HEATR4: variants seen among roughly 807,000 people sequenced by gnomAD.
The protein encoded by HEATR4 is HEAT repeat-containing protein 4.
HEATR4 carries 95 observed loss-of-function variants against 108.8 expected under a neutral mutation model. The ratio of observed to expected loss-of-function variants is 0.87; its 90% CI spans 0.74 to 1.04. The LOEUF (loss-of-function observed/expected upper bound fraction) is 1.04. HEATR4 is among the 50% of genes least tolerant of loss of function. HEATR4 has a pLI of 0.00. For missense variants in HEATR4, 1,152 were observed against 1,253.8 expected (o/e 0.92, Z 1.23); for synonymous variants, 443 against 459.4 (o/e 0.96, Z 0.46).
the HEATR4 span, among the ~76,000 whole-genome samples, chr14:73,573,967 T>C: frequency 6.2e-4 from 95 of 152,094 alleles, no homozygotes; most frequent in African/African-American, 2.1e-3. Flanking sequence ...CCTCAAATGA[T>C]CCACCTGCTT....
the HEATR4 span, among the ~76,000 whole-genome samples, chr14:73,603,757 C>T: frequency 3.3e-4 from 48 of 147,540 alleles, no homozygotes; most frequent in Non-Finnish European, 1.5e-4. Context: ...TTTTTTTAGA[C>T]GGAGTCTTGC....
intron 6 of HEATR4, among the ~76,000 whole-genome samples, 154 bp downstream of exon 6, chr14:73,513,877 A>C (rs989326975): frequency 1.3e-5 from 2 of 152,084 alleles, no homozygotes; most frequent in African/African-American, 4.8e-5. Flanking sequence ...CTAACACCCA[A>C]TGTGTGAAAG....
chr14:73,620,651 T>C, the HEATR4 span, among the ~76,000 whole-genome samples: 1 of 151,954 alleles, frequency 6.6e-6, no homozygotes, highest in African/African-American at 2.4e-5. Context: ...CACTGCAACC[T>C]CCGCCTCCCA....
the HEATR4 span, among the ~76,000 whole-genome samples, chr14:73,584,123 G>A: frequency 9.2e-5 from 14 of 151,634 alleles, no homozygotes; most frequent in Non-Finnish European, 1.5e-5. Context: ...GCTCACTTCC[G>A]AAAGGTAAAG....
At position 73,502,932 on chromosome 14, in the gene HEATR4, G is replaced by T; in HGVS notation, c.2068C>A (p.Gln690Lys). The T allele has an allele frequency of 1.2e-6, 2 of 1,613,958 alleles. No homozygotes were observed. The highest frequency in any genetic ancestry group is 1.7e-6 in the Non-Finnish European group (2 of 1,179,960). ...TGCACCTCTTTCCCGAGGCTCATTT[G>T]CCCAAGCGCCTGTGCAGCTGCTCTC... The part of the protein sequence containing the change: ...VRRAAAQALG[Q>K]MSLGKEVHDI... Residue 690 changes from glutamine to lysine, a missense_variant, in exon 11 of 18, where the codon CAA (glutamine) becomes AAA (lysine). Physicochemically the swap from Gln to Lys is moderately conservative, Grantham distance 53. Coordinates refer to ENST00000553558, the MANE Select transcript of HEATR4 (RefSeq NM_001220484.1).
At chr14:73,482,969 C>T (rs1012459631) in intron 17 of HEATR4, among the ~76,000 whole-genome samples, 2 of 152,008 alleles carry the variant, frequency 1.3e-5, no homozygotes, top group Non-Finnish European at 2.9e-5. Context: ...CCAGAGTAAA[C>T]GTTAATGTAT....
intron 8 of HEATR4, 122 bp from the exon 9 acceptor site, chr14:73,508,416 C>T: frequency 1.3e-6 from 1 of 780,012 alleles, no homozygotes; most frequent in East Asian, 2.5e-5. Context: ...GTGCCCCACT[C>T]AGTCTAGAAA....
At chr14:73,630,455 A>G in the HEATR4 span, among the ~76,000 whole-genome samples, 2 of 152,294 alleles carry the variant, frequency 1.3e-5, no homozygotes, top group South Asian at 4.1e-4. Context: ...TTCTTTACCT[A>G]CAACTGTCTT....
the HEATR4 span, among the ~76,000 whole-genome samples, chr14:73,610,164 G>T: frequency 1.3e-5 from 2 of 151,926 alleles, no homozygotes; most frequent in South Asian, 2.1e-4. Flanking sequence ...CTAGGACTTG[G>T]GGGTAGGCCA....
At chr14:73,629,377 A>G in the HEATR4 span, among the ~76,000 whole-genome samples, 2 of 152,202 alleles carry the variant, frequency 1.3e-5, no homozygotes, top group Admixed American at 6.5e-5. Context: ...TCTGGAAGCA[A>G]ATCTGCAATA....
the HEATR4 span, among the ~76,000 whole-genome samples, chr14:73,615,399 AAAAAAAAACAAAAAAC>A: frequency 1.9e-3 from 270 of 143,884 alleles, 6 homozygotes; most frequent in Middle Eastern, 0.022. Context: ...AAAAAAAAAA[AAAAAAAAACAAAAAAC>A]AAAAAAAACC....
the HEATR4 span, among the ~76,000 whole-genome samples, chr14:73,627,150 A>G: frequency 6.6e-6 from 1 of 151,612 alleles, no homozygotes; most frequent in Non-Finnish European, 1.5e-5. Flanking sequence ...ACTAGCTGTG[A>G]AAGTCCCAGT....
intron 2 of HEATR4, among the ~76,000 whole-genome samples, chr14:73,524,245 A>T (rs1888159759): frequency 6.8e-6 from 1 of 145,994 alleles, no homozygotes; most frequent in Admixed American, 7.1e-5. Flanking sequence ...GTGAGCCAAG[A>T]TCATGCCATT....
At chr14:73,626,494 G>A in the HEATR4 span, among the ~76,000 whole-genome samples, 1 of 152,056 alleles carries the variant, frequency 6.6e-6, no homozygotes, top group African/African-American at 2.4e-5. Flanking sequence ...GCATATGTTG[G>A]CTTATTAAAT....
At chr14:73,502,783 G>C in intron 11 of HEATR4, 112 bp downstream of exon 11, 1 of 757,282 alleles carries the variant, frequency 1.3e-6, no homozygotes, top group East Asian at 2.5e-5. Flanking sequence ...TCCTGACCTC[G>C]TGATCCGCCC....
intron 11 of HEATR4, among the ~76,000 whole-genome samples, chr14:73,501,520 G>C (rs1303818539): frequency 6.6e-6 from 1 of 150,876 alleles, no homozygotes; most frequent in Non-Finnish European, 1.5e-5. Context: ...CTGAGTAGCT[G>C]GGATTATAGG....
At chr14:73,584,419 C>T in the HEATR4 span, among the ~76,000 whole-genome samples, 5 of 151,842 alleles carry the variant, frequency 3.3e-5, no homozygotes, top group African/African-American at 1.2e-4. Context: ...TGTACAGATT[C>T]GCCACCAGTA....
chr14:73,493,213 G>C (rs1356453098), intron 16 of HEATR4, 89 bp from the exon 17 acceptor site: 1 of 1,056,628 alleles, frequency 9.5e-7, no homozygotes, highest in Non-Finnish European at 1.5e-6. Flanking sequence ...ATCACCTTCA[G>C]GCTTCAGTGT....
At chr14:73,594,447 TC>T in the HEATR4 span, among the ~76,000 whole-genome samples, 8 of 151,948 alleles carry the variant, frequency 5.3e-5, no homozygotes, top group African/African-American at 1.4e-4. Context: ...GCTCAGCGGC[TC>T]AGCGGCTCAG....
Sources: gnomAD v4.1 joint callset for allele counts (sites outside exome capture counted in the v4.1 genomes callset) on GRCh38, gnomAD v4.1.1 for gene constraint, MANE v1.5 for transcripts, NCBI Gene and HGNC (gene_info 2026-07-23, HGNC 2026-07-21) for gene names.